The following TBC1D9 variants were observed in gnomAD, a reference collection of about 807,000 sequenced individuals.
TBC1D9 encodes TBC1 domain family member 9A.
TBC1D9 carries 63 observed loss-of-function variants against 132.0 expected under a neutral mutation model. The ratio of observed to expected loss-of-function variants is 0.48; its 90% CI spans 0.39 to 0.59. The LOEUF is 0.59. Ranked by LOEUF, TBC1D9 falls within the 20% of genes least tolerant of loss-of-function variation. The pLI, the probability that TBC1D9 is intolerant of heterozygous loss-of-function variation, is 0.00. For synonymous variants in TBC1D9, 610 were observed against 609.9 expected, an observed-to-expected ratio of 1.00 and a Z score of 0.00; for missense variants, 1,261 against 1,592.7, an observed-to-expected ratio of 0.79 and a Z score of 3.54.
At chr4:140,638,136 T>C (rs1372433467) in intron 15 of TBC1D9, among the ~76,000 whole-genome samples, 1 of 152,208 alleles carries the variant, frequency 6.6e-6, no homozygotes, top group Non-Finnish European at 1.5e-5. Context: ...CTAGTTTTTA[T>C]GTTCGTTTCT....
intron 1 of TBC1D9, among the ~76,000 whole-genome samples, chr4:140,746,876 T>C (rs945371864): frequency 6.6e-6 from 1 of 152,098 alleles, no homozygotes; most frequent in Non-Finnish European, 1.5e-5. Flanking sequence ...TTGTAAAGAA[T>C]ACTAAATAGG....
At chr4:140,719,325 T>C (rs1220378180) in intron 1 of TBC1D9, among the ~76,000 whole-genome samples, 3 of 152,124 alleles carry the variant, frequency 2.0e-5, no homozygotes, top group African/African-American at 2.4e-5. Context: ...ATACTGTGTA[T>C]GGGAGTGCTT....
At chr4:140,650,014 A>ATCTT (rs749462821) in intron 13 of TBC1D9, among the ~76,000 whole-genome samples, 6 of 152,218 alleles carry the variant, frequency 3.9e-5, no homozygotes, top group Non-Finnish European at 5.9e-5. Context: ...GTCTTTTGAG[A>ATCTT]TCTTTTGTCT....
At chr4:140,642,163 G>A in intron 13 of TBC1D9, 4 of 768,990 alleles carry the variant, frequency 5.2e-6, no homozygotes, top group African/African-American at 1.7e-5. Flanking sequence ...ATGCCACACA[G>A]GAGGGAAGGC....
rs147385569 is a variant in TBC1D9, at chr4:140,624,089, C to G, written c.3078+27G>C. On this transcript the variant is annotated intron_variant, in intron 20 of 20. Transcript: ENST00000442267. The stretch of plus-strand genomic sequence containing the variant: ...GAAAAAAGAGTGTCCAGGTTTGAAG[C>G]GAATGATTTGAACTTTAAGCACTTA... 5.3e-4 allele frequency: 816 copies of G among 1,547,590 alleles called. 14 individuals carry two copies. The East Asian group carries it at 0.014, about 26-fold the overall frequency.
At chr4:140,685,487 C>T (rs1295202407) in intron 3 of TBC1D9, among the ~76,000 whole-genome samples, 1 of 151,946 alleles carries the variant, frequency 6.6e-6, no homozygotes, top group Non-Finnish European at 1.5e-5. Flanking sequence ...CTTTAAAAAC[C>T]TCAATGTCAT....
In TBC1D9 at chr4:140,749,583, G is replaced by C. The variant is rs532444115; in HGVS notation, c.130+6333C>G. ...CACACTTGTAATTCCAGCACTTTGA[G>C]AGGCCAAGGTAGGGGAATTGGTTTA... On this transcript the variant is annotated intron_variant, in intron 1 of 20. Coordinates refer to ENST00000442267, the MANE Select transcript of TBC1D9 (RefSeq NM_015130.3). Among the ~76,000 whole-genome samples, 7 of 152,264 alleles carry C rather than the reference G, an allele frequency of 4.6e-5. No homozygotes were observed. In the East Asian group the frequency reaches 9.7e-4, roughly 21 times the overall value.
chr4:140,640,084 G>A (rs1736960412), intron 13 of TBC1D9, among the ~76,000 whole-genome samples: 1 of 152,170 alleles, frequency 6.6e-6, no homozygotes, highest in African/African-American at 2.4e-5. Flanking sequence ...AGCAGTGACT[G>A]CAATAGTTAA....
chr4:140,734,180 G>C (rs1032599255), intron 1 of TBC1D9, among the ~76,000 whole-genome samples: 1 of 152,018 alleles, frequency 6.6e-6, no homozygotes, highest in African/African-American at 2.4e-5. Flanking sequence ...CTATCTCCTG[G>C]GCTGGAGTGC....
chr4:140,674,007 A>G (rs1309811169), intron 6 of TBC1D9, among the ~76,000 whole-genome samples: 1 of 152,204 alleles, frequency 6.6e-6, no homozygotes, highest in African/African-American at 2.4e-5. Context: ...GAGAGTGATG[A>G]TTCATTCAGG....
chr4:140,652,566 C>T (rs1737202661), intron 13 of TBC1D9, among the ~76,000 whole-genome samples: 1 of 152,206 alleles, frequency 6.6e-6, no homozygotes, highest in African/African-American at 2.4e-5. Context: ...CAAATAAAGT[C>T]CCTTGGTCCT....
chr4:140,748,702 C>T (rs1412721276), intron 1 of TBC1D9, among the ~76,000 whole-genome samples: 1 of 152,136 alleles, frequency 6.6e-6, no homozygotes, highest in Non-Finnish European at 1.5e-5. Context: ...CCATTCAAAA[C>T]AAAAATATCC....
At chr4:140,676,715 A>G (rs1737630415) in intron 6 of TBC1D9, among the ~76,000 whole-genome samples, 179 bp downstream of exon 6, 1 of 152,166 alleles carries the variant, frequency 6.6e-6, no homozygotes, top group Non-Finnish European at 1.5e-5. Flanking sequence ...GGAAGAAGAG[A>G]TCTCACAGGT....
At chr4:140,627,351 A>T in intron 18 of TBC1D9, 90 bp downstream of exon 18, 1 of 808,726 alleles carries the variant, frequency 1.2e-6, no homozygotes, top group South Asian at 1.7e-5. Flanking sequence ...TACTTCTTTG[A>T]TTGACTAGCT....
chr4:140,726,307 A>T (rs1228354397), intron 1 of TBC1D9, among the ~76,000 whole-genome samples: 8 of 152,146 alleles, frequency 5.3e-5, no homozygotes, highest in African/African-American at 1.9e-4. Context: ...AAAAATTTTA[A>T]AAATTTTAAA....
intron 2 of TBC1D9, among the ~76,000 whole-genome samples, chr4:140,699,996 C>G (rs1738038740): frequency 6.6e-6 from 1 of 152,104 alleles, no homozygotes; most frequent in Admixed American, 6.5e-5. Flanking sequence ...CACACACAAA[C>G]AAAAACTTGG....
intron 1 of TBC1D9, among the ~76,000 whole-genome samples, chr4:140,750,758 T>C (rs993101329): frequency 1.3e-5 from 2 of 152,150 alleles, no homozygotes; most frequent in African/African-American, 4.8e-5. Flanking sequence ...AAAATCTCAA[T>C]AGCTTTAACA....
chr4:140,702,523 T>C (rs1365359788), intron 1 of TBC1D9, among the ~76,000 whole-genome samples: 1 of 152,188 alleles, frequency 6.6e-6, no homozygotes, highest in Non-Finnish European at 1.5e-5. Context: ...ACTCCAGCCA[T>C]GCGGAGAACG....
At chr4:140,707,217 T>C (rs1322374598) in intron 1 of TBC1D9, among the ~76,000 whole-genome samples, 1 of 152,180 alleles carries the variant, frequency 6.6e-6, no homozygotes, top group African/African-American at 2.4e-5. Flanking sequence ...CTAATTAATT[T>C]TCTTGTTTAT....
Sources: gnomAD v4.1 joint callset for allele counts (sites outside exome capture counted in the v4.1 genomes callset) on GRCh38, gnomAD v4.1.1 for gene constraint, MANE v1.5 for transcripts, NCBI Gene and HGNC (gene_info 2026-07-23, HGNC 2026-07-21) for gene names.